Variants in SCARB1 observed in about 807,000 individuals in gnomAD.
SCARB1 encodes the protein scavenger receptor class B member 1.
A neutral mutation model predicts 57.2 loss-of-function variants in SCARB1; 30 were observed. That is an observed-to-expected ratio of 0.52 (90% CI 0.39 to 0.71). The LOEUF (loss-of-function observed/expected upper bound fraction) is 0.71. SCARB1 is among the 30% of genes least tolerant of loss of function. The pLI is 0.00. For synonymous variants in SCARB1, 249 were observed against 268.3 expected (o/e 0.93, Z 0.70); for missense variants, 543 against 671.2 (o/e 0.81, Z 2.11).
intron 12 of SCARB1, among the ~76,000 whole-genome samples, chr12:124,778,989 C>T (rs989416370): frequency 2.6e-5 from 4 of 152,114 alleles, no homozygotes; most frequent in East Asian, 1.9e-4. Flanking sequence ...CTCTCTCTGT[C>T]GCCCAGGCTG....
Position 124,813,381 on chromosome 12 carries a change from A to G in SCARB1, c.630+821T>C, listed in dbSNP as rs562375675. Among the ~76,000 whole-genome samples, 5 of 152,220 alleles carry G rather than the reference A, an allele frequency of 3.3e-5. No individual in the cohort carries two copies. In the East Asian group the frequency reaches 9.6e-4, roughly 29 times the overall value. On this transcript the variant is annotated intron_variant, in intron 4 of 12. Coordinates refer to ENST00000261693, the MANE Select transcript of SCARB1 (RefSeq NM_005505.5). ...CAATGAGGTTATCTTGAGGATGAAA[A>G]CCACATGCCAAGGATGGCAGAGCAC...
At chr12:124,854,567 G>A (rs976087603) in intron 1 of SCARB1, among the ~76,000 whole-genome samples, 5 of 152,218 alleles carry the variant, frequency 3.3e-5, no homozygotes, top group African/African-American at 1.2e-4. Flanking sequence ...GAATCTGGGG[G>A]AGAGGTGATG....
chr12:124,844,929 C>T (rs1952080131), intron 1 of SCARB1, among the ~76,000 whole-genome samples: 1 of 151,818 alleles, frequency 6.6e-6, no homozygotes, highest in South Asian at 2.1e-4. Context: ...AGACACCCAC[C>T]AGAGACCAGA....
intron 1 of SCARB1, among the ~76,000 whole-genome samples, chr12:124,851,818 G>A (rs995072543): frequency 1.3e-5 from 2 of 151,952 alleles, no homozygotes. Flanking sequence ...TGTTGGCCAG[G>A]CTGGTCTCGA....
chr12:124,852,963 G>A lies in SCARB1; in HGVS notation c.126+10632C>T, dbSNP rs150649172. Among the ~76,000 whole-genome samples, 189 of 152,256 alleles carry A rather than the reference G, an allele frequency of 1.2e-3. 2 individuals carry two copies. In the East Asian group the frequency reaches 0.024, roughly 20 times the overall value. On this transcript the variant is annotated intron_variant, in intron 1 of 12. Coordinates refer to ENST00000261693, the MANE Select transcript of SCARB1 (RefSeq NM_005505.5). ...GCAAGGCTGGAGAGTCGTTTGAACC[G>A]GGGAGGAGGAGGTTGCAGTGAGCCG...
At chr12:124,832,842 C>T (rs1594334728) in intron 1 of SCARB1, among the ~76,000 whole-genome samples, 2 of 152,030 alleles carry the variant, frequency 1.3e-5, no homozygotes, top group Non-Finnish European at 2.9e-5. Context: ...TAGCTTCCCA[C>T]TGCTGCTGTA....
chr12:124,839,588 TA>T (rs1951829983), intron 1 of SCARB1: 1 of 982,582 alleles, frequency 1.0e-6, no homozygotes, highest in African/African-American at 1.8e-5. Context: ...CACCATATGG[TA>T]ATTCTATGTT....
chr12:124,860,722 T>C (rs1445239161), intron 1 of SCARB1, among the ~76,000 whole-genome samples: 1 of 152,156 alleles, frequency 6.6e-6, no homozygotes, highest in Non-Finnish European at 1.5e-5. Context: ...GAGGGATGTG[T>C]CGGGATATCG....
At position 124,810,027 on chromosome 12, in the gene SCARB1, T is replaced by G; in HGVS notation, c.842+147A>C. 1 of 674,722 alleles carries G rather than the reference T, an allele frequency of 1.5e-6. No individual in the cohort carries two copies. The highest frequency in any genetic ancestry group is 1.8e-5 in the African/African-American group (1 of 56,598). The allele number at this position is 674,722 out of a possible 1,614,324, so 41.8% of individuals were successfully genotyped here. ...AGCTGGAGTTTGGCTTTTGGTGGTG[T>G]GACCAAAGAGAATTCAAGCTGGTGC... On this transcript the variant is annotated intron_variant, in intron 6 of 12. Coordinates refer to ENST00000261693, the MANE Select transcript of SCARB1 (RefSeq NM_005505.5). The surrounding 1 kb of genome is among the most constrained non-coding windows in gnomAD (Gnocchi z 4.0).
At chr12:124,799,139 TG>T (rs774847156) in intron 8 of SCARB1, among the ~76,000 whole-genome samples, 3 of 152,232 alleles carry the variant, frequency 2.0e-5, no homozygotes, top group Non-Finnish European at 4.4e-5. Context: ...ATATGTTAAT[TG>T]GCTTGATTTA....
intron 1 of SCARB1, among the ~76,000 whole-genome samples, chr12:124,829,021 A>G (rs1951280616): frequency 6.6e-6 from 1 of 152,252 alleles, no homozygotes; most frequent in East Asian, 1.9e-4. Context: ...ACTACGACAC[A>G]GGCTAATCCA....
At position 124,810,191 on chromosome 12, in the gene SCARB1, G is replaced by T; in HGVS notation, c.825C>A (p.Tyr275Ter). The change falls in exon 6 of 13, where the codon TAC (tyrosine) becomes TAA (stop). Residue 275 changes from tyrosine to a stop codon, truncating the protein, a stop_gained. Transcript: ENST00000261693. LOFTEE classifies it high-confidence loss of function. This position sits in a 1 kb window ranked among gnomAD's most constrained non-coding sequence, Gnocchi z 4.0. The stretch of plus-strand genomic sequence containing the variant: ...GTGATTACCGGCAGGCCTCCGGGCT[G>T]TAGAACTCCAGCGAGGACTCAGGAG... ...FMTPESSLEFYSPEACRSMKL... is the reference protein window; with the variant it reads ...FMTPESSLEF The T allele has an allele frequency of 6.2e-7, 1 of 1,613,484 alleles. No homozygotes were observed. The highest frequency in any genetic ancestry group is 8.5e-7 in the Non-Finnish European group (1 of 1,179,440).
chr12:124,841,369 GT>G (rs1951902934), intron 1 of SCARB1, among the ~76,000 whole-genome samples: 1 of 133,496 alleles, frequency 7.5e-6, no homozygotes, highest in South Asian at 2.6e-4. Context: ...GCAAGACTCC[GT>G]CTCAAAAAAA....
intron 1 of SCARB1, among the ~76,000 whole-genome samples, chr12:124,841,509 A>G (rs1360795373): frequency 1.3e-5 from 2 of 149,976 alleles, no homozygotes; most frequent in African/African-American, 2.5e-5. Context: ...ATACTGAGTC[A>G]GATCATGGCT....
chr12:124,839,209 T>A (rs762596410), intron 1 of SCARB1: 3 of 456,004 alleles, frequency 6.6e-6, no homozygotes, highest in Non-Finnish European at 1.3e-5. Context: ...GAAAAAGAGC[T>A]CTGCACCCCC....
At chr12:124,836,805 A>C (rs1951665178) in intron 1 of SCARB1, among the ~76,000 whole-genome samples, 1 of 152,092 alleles carries the variant, frequency 6.6e-6, no homozygotes, top group East Asian at 1.9e-4. Flanking sequence ...AAATAAAATG[A>C]AATAAAATAA....
chr12:124,820,811 G>A (rs897946514), intron 1 of SCARB1, among the ~76,000 whole-genome samples: 1 of 152,236 alleles, frequency 6.6e-6, no homozygotes, highest in South Asian at 2.1e-4. Flanking sequence ...GGGAACCGTA[G>A]AGGTGACAGG....
At position 124,778,562 on chromosome 12, in the gene SCARB1, G is replaced by T; in HGVS notation, c.*25C>A. 8 of 1,393,562 alleles carry T rather than the reference G, an allele frequency of 5.7e-6. No individual in the cohort carries two copies. Among genetic ancestry groups the T allele is most frequent in the Non-Finnish European group, 7.5e-6 (8 of 1,073,172 alleles). 86.3% of individuals were successfully genotyped at this position (1,393,562 alleles called of 1,614,324 possible). On this transcript the variant is annotated 3_prime_UTR_variant, in exon 13 of 13. Transcript: ENST00000261693. The stretch of plus-strand genomic sequence containing the variant: ...CGGTCAGGCCCAGCGGCCAGGCCTG[G>T]CTGGCTCACGGTGTCCTCAGGACCC...
intron 7 of SCARB1, among the ~76,000 whole-genome samples, chr12:124,803,689 CAAAAAAAA>C (rs58564503): frequency 2.0e-3 from 95 of 47,692 alleles, no homozygotes; most frequent in African/African-American, 3.5e-3. Context: ...CCCACCTCTA[CAAAAAAAA>C]AAAAAAAAAA....
Sources: gnomAD v4.1 joint callset for allele counts (sites outside exome capture counted in the v4.1 genomes callset) on GRCh38, gnomAD v4.1.1 for gene constraint, Gnocchi (gnomAD v3.1) non-coding constraint, MANE v1.5 for transcripts, NCBI Gene and HGNC (gene_info 2026-07-23, HGNC 2026-07-21) for gene names.